MCOLN2: variants seen among roughly 807,000 people sequenced by gnomAD.
MCOLN2 encodes mucolipin-2.
In MCOLN2, 57 loss-of-function variants were observed where a neutral mutation model predicts 67.5. The observed-to-expected ratio is 0.84, with a 90% CI of 0.68 to 1.05. The LOEUF is 1.05. Among genes scored for constraint, MCOLN2 ranks in the 50% least tolerant of loss-of-function variants. MCOLN2 has a pLI of 0.00. For synonymous variants in MCOLN2, 246 were observed against 233.3 expected, an observed-to-expected ratio of 1.05 and a Z score of -0.50; for missense variants, 620 against 678.8, an observed-to-expected ratio of 0.91 and a Z score of 0.96.
intron 2 of MCOLN2, among the ~76,000 whole-genome samples, chr1:84,959,538 T>C (rs762219141): frequency 1.3e-5 from 2 of 152,098 alleles, no homozygotes; most frequent in Non-Finnish European, 2.9e-5. Context: ...GCTACACACA[T>C]ACCTCATCAC....
chr1:84,988,928 CTT>C (rs1650747939), intron 1 of MCOLN2, among the ~76,000 whole-genome samples: 2 of 152,328 alleles, frequency 1.3e-5, no homozygotes, highest in Non-Finnish European at 2.9e-5. Context: ...TCCCCCAGCT[CTT>C]TGTGTGTCTG....
chr1:84,968,662 G>A (rs1649500941), intron 1 of MCOLN2, among the ~76,000 whole-genome samples: 1 of 152,140 alleles, frequency 6.6e-6, no homozygotes, highest in Non-Finnish European at 1.5e-5. Context: ...GGCGCCTTAA[G>A]GCCTCATGAG....
rs116402401 is a variant in MCOLN2, at chr1:84,948,005, T to A, written c.748-873A>T. On this transcript the variant is annotated intron_variant, in intron 6 of 13. Coordinates refer to ENST00000370608, the MANE Select transcript of MCOLN2 (RefSeq NM_153259.4). Reference sequence around the variant, plus strand: ...TGCCAAACAGCTGGCTGGTGTGCTGTGCTTGTGCACACTTGGGCCACACAG... The same window carrying A: ...TGCCAAACAGCTGGCTGGTGTGCTGAGCTTGTGCACACTTGGGCCACACAG... 3.6e-3 allele frequency among the ~76,000 whole-genome samples: 547 copies of A among 152,366 alleles called. 1 individual carries two copies. The highest frequency in any genetic ancestry group is 0.013 in the African/African-American group (528 of 41,586).
chr1:84,983,739 C>T (rs1387143176), intron 1 of MCOLN2, among the ~76,000 whole-genome samples: 11 of 146,058 alleles, frequency 7.5e-5, no homozygotes, highest in Middle Eastern at 3.9e-3. Flanking sequence ...TGCAATGGTG[C>T]GATCTCGGCT....
rs146005589 is a variant in MCOLN2 at position 84,969,487 on chromosome 1, T to C, written c.78-3779A>G. ...TTCGGAGGCTGAGGCAAGAGAATTG[T>C]TTGAACCTGGGAGGCAGAGGTTGCA... On this transcript the variant is annotated intron_variant, in intron 1 of 13. Transcript: ENST00000370608. Among the ~76,000 whole-genome samples the C allele has an allele frequency of 4.0e-3, 603 of 151,382 alleles. 2 individuals are homozygous for C. The highest frequency in any genetic ancestry group is 0.014 in the African/African-American group (565 of 41,244).
chr1:84,946,138 C>T (rs1487015834), intron 7 of MCOLN2, among the ~76,000 whole-genome samples: 3 of 152,302 alleles, frequency 2.0e-5, no homozygotes, highest in Non-Finnish European at 2.9e-5. Flanking sequence ...GCTGTCTGGG[C>T]TCTGAAGGCC....
chr1:84,941,943 G>A (rs899187829), intron 7 of MCOLN2, among the ~76,000 whole-genome samples: 4 of 152,070 alleles, frequency 2.6e-5, no homozygotes, highest in Admixed American at 6.5e-5. Context: ...CAGACTTCAC[G>A]GTAGTGTCTC....
chr1:84,996,949 C>G lies in MCOLN2; in HGVS notation c.-77G>C. The stretch of plus-strand genomic sequence containing the variant: ...CCGTTCACGGCCGACTCATTTCGCC[C>G]TCGCCGTAACGCGTCCGCCGAAGTT... On this transcript the variant is annotated 5_prime_UTR_variant, in exon 1 of 14. Coordinates refer to ENST00000370608, the MANE Select transcript of MCOLN2 (RefSeq NM_153259.4). 7.6e-7 allele frequency: 1 copy of G among 1,320,518 alleles called. No homozygotes were observed. The highest frequency in any genetic ancestry group is 1.1e-6 in the Non-Finnish European group (1 of 920,102). 81.8% of individuals were successfully genotyped at this position (1,320,518 alleles called of 1,614,324 possible). A position where few individuals can be genotyped will look rare whatever the true frequency, so the allele number is the denominator to read the frequency against.
chr1:84,955,461 C>A (rs1648734727), intron 4 of MCOLN2, among the ~76,000 whole-genome samples: 1 of 152,094 alleles, frequency 6.6e-6, no homozygotes, highest in African/African-American at 2.4e-5. Context: ...GACCTCCAAG[C>A]AAGAAAGAGC....
chr1:84,967,763 AAGG>A (rs72431763), intron 1 of MCOLN2, among the ~76,000 whole-genome samples: 40,126 of 126,366 alleles, frequency 0.32, 6,697 homozygotes, highest in African/African-American at 0.4. Flanking sequence ...GAAGGAGAAA[AAGG>A]AGAGAGGGAG....
At chr1:84,930,511 G>A (rs147081267) in intron 12 of MCOLN2, among the ~76,000 whole-genome samples, 230 of 152,092 alleles carry the variant, frequency 1.5e-3, no homozygotes, top group African/African-American at 5.3e-3. Context: ...CCCCCACCAC[G>A]CAGAGACATT....
intron 1 of MCOLN2, among the ~76,000 whole-genome samples, chr1:84,991,109 T>C (rs112317280): frequency 1.1e-3 from 173 of 152,298 alleles, no homozygotes; most frequent in African/African-American, 4.0e-3. Flanking sequence ...GGTTAACGTA[T>C]GAATTCTTGA....
chr1:84,947,201 T>A, intron 6 of MCOLN2, 69 bp from the exon 7 acceptor site: 1 of 769,408 alleles, frequency 1.3e-6, no homozygotes, highest in Non-Finnish European at 2.2e-6. Flanking sequence ...CAAATCTGCT[T>A]AAAAAAAAAA....
At chr1:84,987,494 G>GTA (rs371006356) in intron 1 of MCOLN2, among the ~76,000 whole-genome samples, 38,434 of 53,466 alleles carry the variant, frequency 0.72, 16,299 homozygotes, top group East Asian at 0.95. Flanking sequence ...ATATACATAT[G>GTA]TATACATAGA....
At chr1:84,952,180 T>C in intron 6 of MCOLN2, 63 bp downstream of exon 6, 2 of 1,095,442 alleles carry the variant, frequency 1.8e-6, no homozygotes, top group Non-Finnish European at 2.7e-6. Context: ...TTTTATACTC[T>C]GCATCAACAA....
intron 1 of MCOLN2, among the ~76,000 whole-genome samples, chr1:84,984,832 A>T (rs1650425738): frequency 6.6e-6 from 1 of 152,124 alleles, no homozygotes. Context: ...CGTCTGTACT[A>T]AAAATACAAA....
chr1:84,990,868 G>C (rs1000236428), intron 1 of MCOLN2, among the ~76,000 whole-genome samples: 4 of 151,970 alleles, frequency 2.6e-5, no homozygotes, highest in Non-Finnish European at 2.9e-5. Context: ...CTTGAAGTTT[G>C]AGGCTGCAGT....
chr1:84,969,233 A>T (rs571544270), intron 1 of MCOLN2, among the ~76,000 whole-genome samples: 21 of 152,140 alleles, frequency 1.4e-4, no homozygotes, highest in Non-Finnish European at 2.4e-4. Flanking sequence ...TTCAAACCCA[A>T]AGAGGGAGTC....
intron 1 of MCOLN2, among the ~76,000 whole-genome samples, chr1:84,970,515 C>CA (rs536266906): frequency 0.034 from 3,544 of 104,794 alleles, 58 homozygotes; most frequent in African/African-American, 0.061. Flanking sequence ...ACTAAAAATA[C>CA]AAAAAAAAAA....
Sources: gnomAD v4.1 joint callset for allele counts (sites outside exome capture counted in the v4.1 genomes callset) on GRCh38, gnomAD v4.1.1 for gene constraint, MANE v1.5 for transcripts, NCBI Gene and HGNC (gene_info 2026-07-23, HGNC 2026-07-21) for gene names.